Variants in IGSF10 observed in about 807,000 individuals in gnomAD.
IGSF10 encodes the protein calvaria mechanical force protein 608.
IGSF10 carries 126 observed loss-of-function variants against 128.2 expected under a neutral mutation model. The observed-to-expected ratio is 0.98, with a 90% CI of 0.85 to 1.14. The LOEUF (loss-of-function observed/expected upper bound fraction) is 1.14, where lower values mean the gene tolerates loss of function less well. IGSF10 is among the 50% of genes most tolerant of loss of function. The pLI is 0.00. For synonymous variants in IGSF10, 1,185 were observed against 1,146.2 expected, an observed-to-expected ratio of 1.03 and a Z score of -0.68; for missense variants, 3,295 against 3,149.8, an observed-to-expected ratio of 1.05 and a Z score of -1.10.
the IGSF10 span, among the ~76,000 whole-genome samples, chr3:151,542,141 A>G: frequency 6.6e-6 from 1 of 152,142 alleles, no homozygotes; most frequent in Non-Finnish European, 1.5e-5. Context: ...TCTGGCTATC[A>G]CACAGGCACT....
rs1165654189 is a variant in IGSF10 at position 151,442,986 on chromosome 3, A to G, written c.5961T>C (p.His1987=). ...CCAACCCAAAGGTATAGACTTACCT[A>G]TGCTGCTGGTCGACCACAGCCTTGG... ...LPSKAVVDQQ[H]RVGSWIHVYP... is the part of the protein sequence containing the mutation. Residue 1987 remains histidine, a splice_region_variant and synonymous_variant, in exon 7 of 8, where the codon CAT becomes CAC. Coordinates refer to ENST00000282466, the MANE Select transcript of IGSF10 (RefSeq NM_178822.5). 2 of 1,612,966 alleles carry G rather than the reference A, an allele frequency of 1.2e-6. No individual in the cohort carries two copies. Among genetic ancestry groups the G allele is most frequent in the African/African-American group, 2.7e-5 (2 of 75,042 alleles).
the IGSF10 span, among the ~76,000 whole-genome samples, chr3:151,483,987 C>A: frequency 2.6e-5 from 4 of 152,164 alleles, no homozygotes; most frequent in Non-Finnish European, 5.9e-5. Context: ...CTGAAGCCAC[C>A]AAGCCAAGTG....
At chr3:151,618,765 A>T in the IGSF10 span, among the ~76,000 whole-genome samples, 1 of 150,014 alleles carries the variant, frequency 6.7e-6, no homozygotes, top group African/African-American at 2.4e-5. Context: ...AATAAATAAA[A>T]AATTAAAAAA....
the IGSF10 span, among the ~76,000 whole-genome samples, chr3:151,515,289 TA>T: frequency 6.6e-6 from 1 of 151,582 alleles, no homozygotes; most frequent in Non-Finnish European, 1.5e-5. Context: ...TACACAGCCA[TA>T]AAAAATGATG....
chr3:151,449,180 C>A lies in IGSF10; in HGVS notation c.801G>T (p.Lys267Asn). 6.2e-7 allele frequency: 1 copy of A among 1,614,202 alleles called. No individual in the cohort carries two copies. The highest frequency in any genetic ancestry group is 2.2e-5 in the East Asian group (1 of 44,888). ...CTGCAGCTGAGACCATAGCTAACGG[C>A]TTGCCTTTAGAAGTCCTAGGGTTCA... ...LCMNPRTSKG[K>N]PLAMVSAAAF... is the part of the protein sequence containing the mutation. Residue 267 changes from lysine to asparagine, a missense_variant, in exon 6 of 8, where the codon AAG becomes AAT. Physicochemically the swap from Lys to Asn is moderately conservative, Grantham distance 94. Coordinates refer to ENST00000282466, the MANE Select transcript of IGSF10 (RefSeq NM_178822.5).
At chr3:151,493,319 T>C in the IGSF10 span, among the ~76,000 whole-genome samples, 74 of 152,316 alleles carry the variant, frequency 4.9e-4, no homozygotes, top group African/African-American at 1.7e-3. Flanking sequence ...TGAGTTAATA[T>C]ATTAGTTTGC....
the IGSF10 span, among the ~76,000 whole-genome samples, chr3:151,584,346 T>C: frequency 6.6e-6 from 1 of 152,250 alleles, no homozygotes. Context: ...TTAATGTTTT[T>C]TGTCAATTCT....
the IGSF10 span, among the ~76,000 whole-genome samples, chr3:151,515,402 A>G: frequency 1.4e-5 from 2 of 141,208 alleles, no homozygotes; most frequent in African/African-American, 5.3e-5. Flanking sequence ...TCTCACTCAT[A>G]GGTGGGAATT....
At chr3:151,530,241 G>A in the IGSF10 span, among the ~76,000 whole-genome samples, 18 of 152,158 alleles carry the variant, frequency 1.2e-4, no homozygotes, top group Non-Finnish European at 2.5e-4. Context: ...TTGATAGGAT[G>A]AGTCACCTAA....
At chr3:151,509,594 G>A in the IGSF10 span, among the ~76,000 whole-genome samples, 841 of 152,334 alleles carry the variant, frequency 5.5e-3, 3 homozygotes, top group Non-Finnish European at 9.0e-3. Context: ...CTGAGGTACC[G>A]GGTTCATCTC....
the IGSF10 span, among the ~76,000 whole-genome samples, chr3:151,502,817 G>T: frequency 6.6e-6 from 1 of 152,024 alleles, no homozygotes; most frequent in Non-Finnish European, 1.5e-5. Context: ...AATACAGCAA[G>T]AAAATACTGA....
the IGSF10 span, among the ~76,000 whole-genome samples, chr3:151,561,032 A>G: frequency 1.3e-5 from 2 of 152,178 alleles, no homozygotes; most frequent in African/African-American, 4.8e-5. Flanking sequence ...AATTGAGCCA[A>G]CATATTTCAG....
intron 2 of IGSF10, among the ~76,000 whole-genome samples, chr3:151,459,663 C>T (rs1721959623): frequency 6.6e-6 from 1 of 151,856 alleles, no homozygotes; most frequent in Admixed American, 6.6e-5. Context: ...ATATGCTCAG[C>T]TTGTCAGAAA....
the IGSF10 span, among the ~76,000 whole-genome samples, chr3:151,538,192 T>C: frequency 6.6e-6 from 1 of 152,218 alleles, no homozygotes; most frequent in East Asian, 1.9e-4. Flanking sequence ...ACATATTTGA[T>C]ATTCTTAGAG....
the IGSF10 span, among the ~76,000 whole-genome samples, chr3:151,527,659 C>G: frequency 2.6e-5 from 4 of 152,114 alleles, no homozygotes; most frequent in African/African-American, 9.7e-5. Flanking sequence ...TTTTAAAAAT[C>G]CAAATCTGGG....
chr3:151,558,036 A>G, the IGSF10 span, among the ~76,000 whole-genome samples: 2 of 41,332 alleles, frequency 4.8e-5, no homozygotes, highest in Non-Finnish European at 9.8e-5. Flanking sequence ...TATTGGTACA[A>G]TATGTTTGTC....
chr3:151,613,288 AC>A, the IGSF10 span, among the ~76,000 whole-genome samples: 5,083 of 152,258 alleles, frequency 0.033, 225 homozygotes, highest in African/African-American at 0.097. Flanking sequence ...CCATCAAGCT[AC>A]CAATGACTTT....
chr3:151,455,942 G>A (rs1577676885), intron 4 of IGSF10, among the ~76,000 whole-genome samples: 1 of 152,118 alleles, frequency 6.6e-6, no homozygotes, highest in Non-Finnish European at 1.5e-5. Context: ...TCTCTGTCGA[G>A]AATGCTTCTC....
At chr3:151,561,213 T>C in the IGSF10 span, among the ~76,000 whole-genome samples, 2 of 152,158 alleles carry the variant, frequency 1.3e-5, no homozygotes, top group Non-Finnish European at 2.9e-5. Context: ...ATCATCTTAT[T>C]ACCCCTAAAA....
Sources: gnomAD v4.1 joint callset for allele counts (sites outside exome capture counted in the v4.1 genomes callset) on GRCh38, gnomAD v4.1.1 for gene constraint, MANE v1.5 for transcripts, NCBI Gene and HGNC (gene_info 2026-07-23, HGNC 2026-07-21) for gene names.